Variants in ANKRD35 observed in about 807,000 individuals in gnomAD.
ANKRD35 encodes the protein ankyrin repeat domain 35.
In ANKRD35, 102 loss-of-function variants were observed where a neutral mutation model predicts 109.9. That is an observed-to-expected ratio of 0.93 (90% CI 0.79 to 1.09). ANKRD35 has a LOEUF of 1.09. Ranked by LOEUF, ANKRD35 falls within the 50% of genes least tolerant of loss-of-function variation. ANKRD35 has a pLI of 0.00. For missense variants in ANKRD35, 1,240 were observed against 1,230.1 expected, an observed-to-expected ratio of 1.01 and a Z score of -0.12; for synonymous variants, 515 against 512.4, an observed-to-expected ratio of 1.01 and a Z score of -0.07.
rs781895400 is a variant in ANKRD35, at chr1:145,872,695, T to A, written c.2074A>T (p.Lys692Ter). ...MEKEATEKLRKLLASQSSGLR... is the reference protein window; with the variant it reads ...MEKEATEKLR ...CCGCTGCTCTGGGAGGCCAGGAGCT[T>A]CCGCAGCTTCTCTGTGGCCTCCTTC... Residue 692 changes from lysine (K) to a stop codon, truncating the protein, a stop_gained, in exon 10 of 14, where the codon AAG (lysine) becomes TAG (stop). Coordinates refer to ENST00000355594, the MANE Select transcript of ANKRD35 (RefSeq NM_144698.5). LOFTEE classifies it high-confidence loss of function. 1 of 1,614,114 alleles carries A rather than the reference T, an allele frequency of 6.2e-7. No homozygotes were observed. Among genetic ancestry groups the A allele is most frequent in the Admixed American group, 1.7e-5 (1 of 60,026 alleles).
At chr1:145,871,146 C>CTTTTTTTTTTTTTTTTT (rs1553738531) in intron 10 of ANKRD35, among the ~76,000 whole-genome samples, 1 of 51,570 alleles carries the variant, frequency 1.9e-5, no homozygotes, top group African/African-American at 6.0e-5. Flanking sequence ...TCTTTCTTTT[C>CTTTTTTTTTTTTTTTTT]TTTTTTCTTT....
In ANKRD35 at chr1:145,877,960, G is replaced by A; in HGVS notation, c.324+8C>T. On this transcript the variant is annotated splice_region_variant and intron_variant, in intron 4 of 13. Coordinates refer to ENST00000355594, the MANE Select transcript of ANKRD35 (RefSeq NM_144698.5). ...TTCATAAGAGTGGTATCAAGGGACT[G>A]CTCTTACCTGAAGCAGAACCTTAAC... 6.2e-7 allele frequency: 1 copy of A among 1,613,572 alleles called. No individual in the cohort carries two copies. The highest frequency in any genetic ancestry group is 1.1e-5 in the South Asian group (1 of 91,068).
chr1:145,878,349 G>A (rs781836754), intron 3 of ANKRD35, 42 bp downstream of exon 3: 35 of 1,535,894 alleles, frequency 2.3e-5, no homozygotes, highest in South Asian at 8.4e-5. Context: ...TGCTGTACCA[G>A]GGGCAAGCAA....
chr1:145,867,144 A>C, intron 13 of ANKRD35, 143 bp downstream of exon 13: 1 of 577,352 alleles, frequency 1.7e-6, no homozygotes, highest in Non-Finnish European at 3.1e-6. Context: ...CTGTCTTCTC[A>C]GTCACCTCAA....
Position 145,874,943 on chromosome 1 carries a change from G to A in ANKRD35, c.624C>T (p.His208=), listed in dbSNP as rs200110585. 9.0e-5 allele frequency: 146 copies of A among 1,613,416 alleles called. No individual in the cohort carries two copies. Among genetic ancestry groups the A allele is most frequent in the Non-Finnish European group, 1.1e-4 (131 of 1,179,726 alleles). Residue 208 remains histidine, a synonymous_variant, in exon 8 of 14, where the codon CAC becomes CAT. Coordinates refer to ENST00000355594, the MANE Select transcript of ANKRD35 (RefSeq NM_144698.5). ...TGTCCACAGCCCCCGCGTCAGCTCC[G>A]TGGCTCAGGAGCAGTTCAGCCACCT... ...SAEVAELLLS[H]GADAGAVDST...
Position 145,872,349 on chromosome 1 carries a change from A to G in ANKRD35, c.2420T>C (p.Ile807Thr). 2.5e-6 allele frequency: 4 copies of G among 1,612,548 alleles called. No homozygotes were observed. The highest frequency in any genetic ancestry group is 3.4e-6 in the Non-Finnish European group (4 of 1,179,322). The change falls in exon 10 of 14, where the codon ATC becomes ACC. Residue 807 changes from isoleucine (I) to threonine (T), a missense_variant. Physicochemically the swap from Ile to Thr is moderately conservative, Grantham distance 89 (BLOSUM62 -1). Coordinates refer to ENST00000355594, the MANE Select transcript of ANKRD35 (RefSeq NM_144698.5). The stretch of plus-strand genomic sequence containing the variant: ...GTAGAGCAGCTGCTTCAGCTTTCCG[A>G]TCTCCTGGCTCTTCCCGCTCATCGT... ...QATMSGKSQE[I>T]GKLKQLLYQA...
At chr1:145,879,534 C>G in intron 1 of ANKRD35, 146 bp from the exon 2 acceptor site, 3 of 971,148 alleles carry the variant, frequency 3.1e-6, no homozygotes, top group Non-Finnish European at 4.1e-6. Context: ...TCATTTAGTC[C>G]TTCTTAGGTG....
In ANKRD35 at chr1:145,876,848, T is replaced by G; in HGVS notation, c.350A>C (p.Asp117Ala). 2 of 1,614,120 alleles carry G rather than the reference T, an allele frequency of 1.2e-6. No homozygotes were observed. The highest frequency in any genetic ancestry group is 1.7e-6 in the Non-Finnish European group (2 of 1,180,032). ...LQHGANEDAV[D>A]AENRSPLHWA... Reference sequence around the variant, plus strand: ...GTGCAATGGACTACGGTTTTCTGCATCCACAGCATCTTCATTAGCACCATG... The same window carrying G: ...GTGCAATGGACTACGGTTTTCTGCAGCCACAGCATCTTCATTAGCACCATG... Residue 117 changes from aspartate (D) to alanine (A), a missense_variant, in exon 5 of 14, where the codon GAT (aspartate) becomes GCT (alanine). Asp to Ala is a moderately radical substitution (Grantham distance 126). Transcript: ENST00000355594.
chr1:145,877,417 A>T (rs926205469), intron 4 of ANKRD35, among the ~76,000 whole-genome samples: 2 of 152,038 alleles, frequency 1.3e-5, no homozygotes, highest in African/African-American at 4.8e-5. Flanking sequence ...TATTTTTATT[A>T]GAGATGGGGT....
At chr1:145,870,444 T>C (rs1182613654) in intron 10 of ANKRD35, among the ~76,000 whole-genome samples, 12 of 152,072 alleles carry the variant, frequency 7.9e-5, no homozygotes, top group Admixed American at 6.6e-4. Flanking sequence ...TTCACAACCA[T>C]TTTATTATCC....
chr1:145,869,373 G>A (rs1469610656), intron 10 of ANKRD35, among the ~76,000 whole-genome samples: 1 of 152,078 alleles, frequency 6.6e-6, no homozygotes, highest in Non-Finnish European at 1.5e-5. Context: ...GTAGAGGCGG[G>A]GTTTCACTAC....
intron 8 of ANKRD35, 37 bp downstream of exon 8, chr1:145,874,785 T>G: frequency 6.6e-7 from 1 of 1,522,086 alleles, no homozygotes; most frequent in Non-Finnish European, 8.8e-7. Context: ...ACTTCTCTGA[T>G]TCTTAGAGAA....
chr1:145,875,423 G>A (rs12065963), intron 7 of ANKRD35, among the ~76,000 whole-genome samples: 6,306 of 152,142 alleles, frequency 0.041, 447 homozygotes, highest in African/African-American at 0.14. Flanking sequence ...GGGATTACAG[G>A]TATGAGCCAC....
At chr1:145,867,227 A>G in intron 13 of ANKRD35, 60 bp downstream of exon 13, 1 of 1,190,852 alleles carries the variant, frequency 8.4e-7, no homozygotes, top group Non-Finnish European at 1.2e-6. Flanking sequence ...CATTCCATAC[A>G]CCTTTCCCAA....
chr1:145,870,090 A>ATTTTT (rs35685393), intron 10 of ANKRD35, among the ~76,000 whole-genome samples: 3,332 of 138,582 alleles, frequency 0.024, 174 homozygotes, highest in African/African-American at 0.088. Context: ...AGAGTTCCAA[A>ATTTTT]TTTTTTTTTT....
chr1:145,878,279 G>T, intron 3 of ANKRD35, 112 bp downstream of exon 3: 1 of 1,195,922 alleles, frequency 8.4e-7, no homozygotes, highest in South Asian at 1.3e-5. Context: ...ACTTACTAAG[G>T]AGAGAAGCAA....
intron 1 of ANKRD35, among the ~76,000 whole-genome samples, chr1:145,879,848 T>C (rs1370485121): frequency 2.0e-5 from 3 of 147,028 alleles, no homozygotes; most frequent in African/African-American, 7.5e-5. Context: ...GCTCTGCTTT[T>C]TGTTGTCAGT....
intron 11 of ANKRD35, 99 bp from the exon 12 acceptor site, chr1:145,868,155 T>TTGGCCCATCAC: frequency 6.8e-7 from 1 of 1,474,294 alleles, no homozygotes; most frequent in Non-Finnish European, 9.5e-7. Flanking sequence ...GGTGGGCTCG[T>TTGGCCCATCAC]TGGCCCATCA....
rs1553738795 is a variant in ANKRD35 at position 145,872,133 on chromosome 1, C to T, written c.2636G>A (p.Arg879His). The change falls in exon 10 of 14, where the codon CGC becomes CAC. Residue 879 changes from arginine (R) to histidine (H), a missense_variant. By Grantham distance (29) the Arg-to-His change is conservative. Coordinates refer to ENST00000355594, the MANE Select transcript of ANKRD35 (RefSeq NM_144698.5). ...CTGAGCGGCCAGGTCCCCGCTCCGG[C>T]GGCGCTCCTCGGCCACCGCCTCCCG... is the stretch of plus-strand genomic sequence containing the variant. The part of the protein sequence containing the change: ...RLREAVAEER[R>H]RSGDLAAQAA... 2.5e-6 allele frequency: 4 copies of T among 1,609,284 alleles called. No individual in the cohort carries two copies. Among genetic ancestry groups the T allele is most frequent in the Non-Finnish European group, 3.4e-6 (4 of 1,178,214 alleles).
Sources: gnomAD v4.1 joint callset for allele counts (sites outside exome capture counted in the v4.1 genomes callset) on GRCh38, gnomAD v4.1.1 for gene constraint, MANE v1.5 for transcripts, NCBI Gene and HGNC (gene_info 2026-07-23, HGNC 2026-07-21) for gene names.